ST18: variants seen among roughly 807,000 people sequenced by gnomAD.
ST18 encodes the protein ST18 C2H2C-type zinc finger transcription factor, also known as suppression of tumorigenicity 18 protein.
A neutral mutation model predicts 110.0 loss-of-function variants in ST18; 50 were observed. That is an observed-to-expected ratio of 0.45 (90% CI 0.36 to 0.58). The LOEUF is 0.58. ST18 is among the 20% of genes least tolerant of loss of function. The pLI is 0.00. For synonymous variants in ST18, 461 were observed against 452.4 expected (o/e 1.02, Z -0.24); for missense variants, 1,306 against 1,280.1 (o/e 1.02, Z -0.31).
In ST18 at chr8:52,374,132, G is replaced by A. The variant is rs142820990; in HGVS notation, c.-465+35196C>T. 3.0e-3 allele frequency among the ~76,000 whole-genome samples: 463 copies of A among 152,194 alleles called. 2 individuals are homozygous for A. Among genetic ancestry groups the A allele is most frequent in the Non-Finnish European group, 4.0e-3 (273 of 68,010 alleles). ...GTTGAAGGGTGCCACCAAAATCCAC[G>A]TCTACCAAAAACCCATAAATATGAC... On this transcript the variant is annotated intron_variant, in intron 2 of 25. Transcript: ENST00000689386.
intron 2 of ST18, among the ~76,000 whole-genome samples, chr8:52,333,833 A>G (rs1810768923): frequency 6.6e-6 from 1 of 152,240 alleles, no homozygotes; most frequent in Non-Finnish European, 1.5e-5. Context: ...TCACTTGTAC[A>G]TGTATTGAGT....
At chr8:52,249,724 C>T (rs2094142719) in intron 2 of ST18, among the ~76,000 whole-genome samples, 1 of 152,014 alleles carries the variant, frequency 6.6e-6, no homozygotes, top group African/African-American at 2.4e-5. Flanking sequence ...CTTAATATTT[C>T]CTGGTGGTTA....
At chr8:52,270,337 C>G (rs2138876079) in intron 2 of ST18, among the ~76,000 whole-genome samples, 1 of 152,304 alleles carries the variant, frequency 6.6e-6, no homozygotes, top group Admixed American at 6.5e-5. Flanking sequence ...CATTCCCCCG[C>G]TGTGCTCCAG....
intron 2 of ST18, among the ~76,000 whole-genome samples, chr8:52,231,040 G>C (rs1306628577): frequency 6.6e-6 from 1 of 152,176 alleles, no homozygotes; most frequent in Non-Finnish European, 1.5e-5. Context: ...GCTCGTACAT[G>C]AAAAGTGAAT....
chr8:52,371,784 C>CCATCCTG (rs1830357267), intron 2 of ST18, among the ~76,000 whole-genome samples: 4 of 152,162 alleles, frequency 2.6e-5, no homozygotes, highest in Admixed American at 2.6e-4. Context: ...GATGTCACAG[C>CCATCCTG]CATCCTGATG....
At chr8:52,339,958 C>T (rs1010669232) in intron 2 of ST18, among the ~76,000 whole-genome samples, 3 of 152,142 alleles carry the variant, frequency 2.0e-5, no homozygotes, top group Non-Finnish European at 4.4e-5. Flanking sequence ...TGCTGTTTTC[C>T]GTAAGTTACA....
intron 8 of ST18, among the ~76,000 whole-genome samples, chr8:52,184,659 C>T (rs1272038595): frequency 6.6e-6 from 1 of 152,146 alleles, no homozygotes; most frequent in East Asian, 1.9e-4. Context: ...TCCTCCACAT[C>T]TAGAGTTTTC....
chr8:52,298,141 A>G (rs2095662455), intron 2 of ST18, among the ~76,000 whole-genome samples: 1 of 152,202 alleles, frequency 6.6e-6, no homozygotes, highest in African/African-American at 2.4e-5. Context: ...GGGGGACCCT[A>G]TGAGGCATTT....
intron 2 of ST18, among the ~76,000 whole-genome samples, chr8:52,289,319 G>A (rs887266657): frequency 6.6e-6 from 1 of 152,118 alleles, no homozygotes; most frequent in Non-Finnish European, 1.5e-5. Context: ...TATTAGTCAG[G>A]GGTGGTGATG....
At chr8:52,241,018 C>G (rs1006625043) in intron 2 of ST18, among the ~76,000 whole-genome samples, 2 of 152,234 alleles carry the variant, frequency 1.3e-5, no homozygotes, top group Non-Finnish European at 2.9e-5. Flanking sequence ...TAAACAACCT[C>G]TTCCTTCTGA....
At chr8:52,323,089 C>A (rs1804727604) in intron 2 of ST18, among the ~76,000 whole-genome samples, 1 of 152,176 alleles carries the variant, frequency 6.6e-6, no homozygotes, top group Non-Finnish European at 1.5e-5. Context: ...AATCAGGATT[C>A]ATTCTACATA....
intron 10 of ST18, among the ~76,000 whole-genome samples, chr8:52,168,881 G>T (rs2063862436): frequency 6.6e-6 from 1 of 152,194 alleles, no homozygotes; most frequent in South Asian, 2.1e-4. Flanking sequence ...GAACTGAGGG[G>T]AGCTGACACC....
At chr8:52,262,789 C>A (rs1349615729) in intron 2 of ST18, among the ~76,000 whole-genome samples, 1 of 152,260 alleles carries the variant, frequency 6.6e-6, no homozygotes, top group East Asian at 1.9e-4. Flanking sequence ...TTACCTCCTA[C>A]TCGCTGCACA....
chr8:52,164,762 A>G (rs1263080247), intron 12 of ST18, among the ~76,000 whole-genome samples: 2 of 152,234 alleles, frequency 1.3e-5, no homozygotes, highest in Non-Finnish European at 1.5e-5. Context: ...TTTAATGTCT[A>G]TTGGACAGGA....
chr8:52,295,408 C>T (rs2095617047), intron 2 of ST18, among the ~76,000 whole-genome samples: 1 of 151,960 alleles, frequency 6.6e-6, no homozygotes, highest in East Asian at 1.9e-4. Flanking sequence ...GGCTTTTTTT[C>T]CCTCTCTCTC....
intron 2 of ST18, among the ~76,000 whole-genome samples, chr8:52,252,994 A>G (rs1206909176): frequency 1.3e-5 from 2 of 151,506 alleles, no homozygotes; most frequent in Non-Finnish European, 2.9e-5. Flanking sequence ...TAACATAACG[A>G]TAGTGCACAG....
At chr8:52,193,452 C>A (rs144354555) in intron 8 of ST18, among the ~76,000 whole-genome samples, 2 of 152,192 alleles carry the variant, frequency 1.3e-5, no homozygotes, top group African/African-American at 4.8e-5. Context: ...AAGGCAGGAC[C>A]GACTCTGAAG....
At chr8:52,368,142 G>A (rs1020634957) in intron 2 of ST18, among the ~76,000 whole-genome samples, 6 of 151,984 alleles carry the variant, frequency 3.9e-5, no homozygotes, top group African/African-American at 1.4e-4. Context: ...AGTTTTATGT[G>A]GAATTCCTGC....
chr8:52,277,992 T>C (rs889822302), intron 2 of ST18, among the ~76,000 whole-genome samples: 1 of 152,166 alleles, frequency 6.6e-6, no homozygotes, highest in Non-Finnish European at 1.5e-5. Flanking sequence ...CATAATATTG[T>C]ATAAATGCAC....
Sources: allele counts gnomAD v4.1 joint callset (sites outside exome capture counted in the v4.1 genomes callset), GRCh38; gene constraint gnomAD v4.1.1; transcripts MANE v1.5; gene names NCBI Gene and HGNC (gene_info 2026-07-23, HGNC 2026-07-21).